The following UBQLN4 variants were observed in gnomAD, a reference collection of about 807,000 sequenced individuals.
UBQLN4 encodes the protein ubiquilin 4.
A neutral mutation model predicts 60.4 loss-of-function variants in UBQLN4; 11 were observed. That is an observed-to-expected ratio of 0.18 (90% confidence interval 0.11 to 0.30). The LOEUF is 0.30. Among genes scored for constraint, UBQLN4 ranks in the 10% least tolerant of loss-of-function variants. The pLI is 1.00. For synonymous variants in UBQLN4, 258 were observed against 313.1 expected, an observed-to-expected ratio of 0.82 and a Z score of 1.86; for missense variants, 417 against 795.5, an observed-to-expected ratio of 0.52 and a Z score of 5.72.
chr1:156,035,004 G>A (rs1683368197), downstream of UBQLN4, among the ~76,000 whole-genome samples: 1 of 150,542 alleles, frequency 6.6e-6, no homozygotes, highest in Admixed American at 6.6e-5. Context: ...ATGTAGCTGG[G>A]ACTACAGGCC....
chr1:156,032,911 G>C (rs1429073282), downstream of UBQLN4, among the ~76,000 whole-genome samples: 1 of 152,212 alleles, frequency 6.6e-6, no homozygotes, highest in African/African-American at 2.4e-5. Flanking sequence ...TGAGGTGAAA[G>C]AGGAAGACAA....
Position 156,039,944 on chromosome 1 carries a change from A to C in UBQLN4, c.1653+1541T>G, listed in dbSNP as rs866268576. Among the ~76,000 whole-genome samples the C allele has an allele frequency of 8.6e-3, 1,294 of 150,272 alleles. 13 individuals are homozygous for C. The highest frequency in any genetic ancestry group is 0.031 in the African/African-American group (1,251 of 40,884). Reference sequence around the variant, plus strand: ...AGAGCGAGACTCCGTCTCAAAAAAAAAAAAAAAAAAAAAAAAGACTCTTAT... The same window carrying C: ...AGAGCGAGACTCCGTCTCAAAAAAACAAAAAAAAAAAAAAAAGACTCTTAT... On this transcript the variant is annotated intron_variant, in intron 10 of 10. Coordinates refer to ENST00000368309, the MANE Select transcript of UBQLN4 (RefSeq NM_020131.5).
Position 156,050,232 on chromosome 1 carries a change from C to G in UBQLN4, c.741+59G>C, listed in dbSNP as rs1386648290. 13 of 1,506,468 alleles carry G rather than the reference C, an allele frequency of 8.6e-6. No individual in the cohort carries two copies. Among genetic ancestry groups the G allele is most frequent in the Non-Finnish European group, 1.2e-5 (13 of 1,125,710 alleles). 93.3% of individuals were successfully genotyped at this position (1,506,468 alleles called of 1,614,324 possible). ...TCAATGTAGGACAAAGTAGGAAAGG[C>G]TGGGCAGGGCACGGCTGGGCACCAG... On this transcript the variant is annotated intron_variant, in intron 4 of 10. Transcript: ENST00000368309. This position sits in a 1 kb window ranked among gnomAD's most constrained non-coding sequence, Gnocchi z 4.6.
At chr1:156,051,911 G>A (rs1683881826) in intron 1 of UBQLN4, 54 bp from the exon 2 acceptor site, 1 of 1,606,058 alleles carries the variant, frequency 6.2e-7, no homozygotes, top group African/African-American at 1.3e-5. Context: ...CCCCCTACCA[G>A]GGACCCTGAC....
rs370729758 is a variant in UBQLN4 at position 156,044,044 on chromosome 1, C to T, written c.1080G>A (p.Pro360=). The change falls in exon 6 of 11, where the codon CCG becomes CCA. Residue 360 remains proline (P), a synonymous_variant. Coordinates refer to ENST00000368309, the MANE Select transcript of UBQLN4 (RefSeq NM_020131.5). ...TGATCCCAAAGGGGTTCGAGACTGT[C>T]GGGTGCACCTGGCTGGTCCCCGATC... ...TGGSGTSQVH[P]TVSNPFGINA... is the part of the protein sequence containing the mutation. The T allele has an allele frequency of 2.0e-5, 32 of 1,608,546 alleles. No individual in the cohort carries two copies. The African/African-American group carries it at 2.3e-4, about 11-fold the overall frequency.
At chr1:156,047,879 G>A (rs1382817565) in intron 5 of UBQLN4, among the ~76,000 whole-genome samples, 1 of 131,074 alleles carries the variant, frequency 7.6e-6, no homozygotes. Context: ...GCGATAGAGC[G>A]AGACTCCATC....
At chr1:156,044,523 C>T (rs1459349599) in intron 5 of UBQLN4, among the ~76,000 whole-genome samples, 5 of 152,230 alleles carry the variant, frequency 3.3e-5, no homozygotes, top group South Asian at 2.1e-4. Context: ...TGTAACCCAC[C>T]GCACTTTACA....
chr1:156,049,878 A>G (rs977566677), intron 4 of UBQLN4, among the ~76,000 whole-genome samples: 3 of 152,108 alleles, frequency 2.0e-5, no homozygotes, highest in Non-Finnish European at 2.9e-5. Flanking sequence ...ACAACCTACT[A>G]TCTTTCACTC....
At chr1:156,045,232 G>A (rs78379095) in intron 5 of UBQLN4, among the ~76,000 whole-genome samples, 12 of 152,252 alleles carry the variant, frequency 7.9e-5, no homozygotes, top group African/African-American at 1.7e-4. Flanking sequence ...CATGGGGACC[G>A]GGGCTAACCA....
chr1:156,035,926 C>T lies in UBQLN4; in HGVS notation c.*1052G>A, dbSNP rs2102736627. ...ATGCACACATGTGGATACACATGCA[C>T]CTCCCCACTACTCACACAGACCCCA... is the stretch of plus-strand genomic sequence containing the variant. On this transcript the variant is annotated 3_prime_UTR_variant, in exon 11 of 11. Coordinates refer to ENST00000368309, the MANE Select transcript of UBQLN4 (RefSeq NM_020131.5). The T allele has an allele frequency of 1.0e-6, 1 of 985,456 alleles. No homozygotes were observed. Among genetic ancestry groups the T allele is most frequent in the Admixed American group, 6.1e-5 (1 of 16,268 alleles). The allele number at this position is 985,456 out of a possible 1,614,324, so 61.0% of individuals were successfully genotyped here. A position where few individuals can be genotyped will look rare whatever the true frequency, so the allele number is the denominator to read the frequency against.
At chr1:156,039,525 C>T (rs1683491837) in intron 10 of UBQLN4, among the ~76,000 whole-genome samples, 1 of 151,988 alleles carries the variant, frequency 6.6e-6, no homozygotes, top group Admixed American at 6.6e-5. Context: ...GCTGGGATTA[C>T]AGAAGTGAGC....
chr1:156,046,626 A>G (rs1189288168), intron 5 of UBQLN4, among the ~76,000 whole-genome samples: 1 of 151,744 alleles, frequency 6.6e-6, no homozygotes, highest in African/African-American at 2.4e-5. Context: ...GCAGATGACA[A>G]GGTCAGGAGT....
downstream of UBQLN4, among the ~76,000 whole-genome samples, chr1:156,031,874 C>T (rs978662727): frequency 1.3e-5 from 2 of 151,756 alleles, no homozygotes; most frequent in African/African-American, 4.8e-5. Context: ...CTCTGACACA[C>T]AATAAACTGT....
chr1:156,039,635 T>C (rs1244912574), intron 10 of UBQLN4, among the ~76,000 whole-genome samples: 1 of 152,050 alleles, frequency 6.6e-6, no homozygotes, highest in Non-Finnish European at 1.5e-5. Context: ...GCCTTGATTA[T>C]GAACAAAAGA....
At position 156,041,913 on chromosome 1, in the gene UBQLN4, T is replaced by C; in HGVS notation, c.1425A>G (p.Gly475=). ...AMQALLQIQQ[G]LQTLQTEAPG... The stretch of plus-strand genomic sequence containing the variant: ...GGGCCTCGGTCTGCAAGGTCTGTAG[T>C]CCCTGCTGGATCTGCAGCAATGCCT... The change falls in exon 9 of 11, where the codon GGA becomes GGG. Residue 475 remains glycine (G), a synonymous_variant. Coordinates refer to ENST00000368309, the MANE Select transcript of UBQLN4 (RefSeq NM_020131.5). 1.2e-6 allele frequency: 2 copies of C among 1,614,016 alleles called. No homozygotes were observed. The highest frequency in any genetic ancestry group is 2.2e-5 in the South Asian group (2 of 91,064).
chr1:156,041,713 G>T (rs1387090435), intron 9 of UBQLN4, 42 bp from the exon 10 acceptor site: 2 of 1,474,094 alleles, frequency 1.4e-6, no homozygotes, highest in African/African-American at 1.4e-5. Flanking sequence ...TGGCATCCAA[G>T]AAAGGGATGA....
At chr1:156,047,683 C>T (rs1486354742) in intron 5 of UBQLN4, among the ~76,000 whole-genome samples, 7 of 150,918 alleles carry the variant, frequency 4.6e-5, no homozygotes, top group African/African-American at 1.7e-4. Flanking sequence ...ATCATGAGGT[C>T]AGGAGATCAA....
downstream of UBQLN4, among the ~76,000 whole-genome samples, chr1:156,034,006 T>G (rs547588351): frequency 3.0e-4 from 45 of 151,774 alleles, 1 homozygote; most frequent in Admixed American, 1.3e-3. Flanking sequence ...TCTTTGATGC[T>G]TTTTCCATTT....
intron 10 of UBQLN4, among the ~76,000 whole-genome samples, chr1:156,039,439 G>T (rs539517132): frequency 6.6e-6 from 1 of 150,748 alleles, no homozygotes; most frequent in African/African-American, 2.4e-5. Flanking sequence ...TAGTAGAGAC[G>T]GGGTTTCTCC....
Sources: gnomAD v4.1 joint callset for allele counts (sites outside exome capture counted in the v4.1 genomes callset) on GRCh38, gnomAD v4.1.1 for gene constraint, Gnocchi (gnomAD v3.1) non-coding constraint, MANE v1.5 for transcripts, NCBI Gene and HGNC (gene_info 2026-07-23, HGNC 2026-07-21) for gene names.